Variants in RARB observed in about 807,000 individuals in gnomAD.
The protein encoded by RARB is retinoic acid receptor beta, also known as HBV-activated protein.
In RARB, 17 loss-of-function variants were observed where a neutral mutation model predicts 51.9. That is an observed-to-expected ratio of 0.33 (90% confidence interval 0.22 to 0.49). The LOEUF (loss-of-function observed/expected upper bound fraction) is 0.49, where lower values mean the gene tolerates loss of function less well. Ranked by LOEUF, RARB falls within the 20% of genes least tolerant of loss-of-function variation. RARB has a pLI of 0.99. For missense variants in RARB, 369 were observed against 550.8 expected, an observed-to-expected ratio of 0.67 and a Z score of 3.30; for synonymous variants, 215 against 195.4, an observed-to-expected ratio of 1.10 and a Z score of -0.84.
At chr3:25,014,463 A>G (rs545198964) in intron 2 of RARB, among the ~76,000 whole-genome samples, 1 of 152,158 alleles carries the variant, frequency 6.6e-6, no homozygotes, top group Admixed American at 6.6e-5. Flanking sequence ...CAGGGAGGAG[A>G]GATGGGTTTT....
intron 3 of RARB, among the ~76,000 whole-genome samples, chr3:25,562,661 A>G (rs892884469): frequency 2.0e-5 from 3 of 152,178 alleles, no homozygotes; most frequent in Non-Finnish European, 4.4e-5. Context: ...AACTTAGGAT[A>G]TTTCTTATAG....
At chr3:25,535,313 T>C (rs1401536843) in intron 3 of RARB, among the ~76,000 whole-genome samples, 1 of 152,068 alleles carries the variant, frequency 6.6e-6, no homozygotes, top group African/African-American at 2.4e-5. Context: ...TATTGTCTGG[T>C]GTTTAGGGAC....
intron 2 of RARB, among the ~76,000 whole-genome samples, chr3:24,875,986 T>C (rs1321096745): frequency 6.6e-6 from 1 of 152,136 alleles, no homozygotes; most frequent in African/African-American, 2.4e-5. Context: ...CTCTGCTAGT[T>C]ACTTTTTAGA....
intron 2 of RARB, among the ~76,000 whole-genome samples, chr3:24,955,756 G>A (rs2125408283): frequency 6.6e-6 from 1 of 152,230 alleles, no homozygotes; most frequent in Middle Eastern, 3.4e-3. Flanking sequence ...TCATCAGGGA[G>A]AATAAATGTA....
chr3:25,012,829 C>T (rs549293127), intron 2 of RARB, among the ~76,000 whole-genome samples: 27 of 152,072 alleles, frequency 1.8e-4, no homozygotes, highest in African/African-American at 5.3e-4. Flanking sequence ...ATAAACAATA[C>T]GGTAGGCACA....
intron 7 of RARB, among the ~76,000 whole-genome samples, chr3:25,595,412 C>T (rs912759464): frequency 1.3e-5 from 2 of 152,182 alleles, no homozygotes; most frequent in African/African-American, 4.8e-5. Context: ...ACTTGTTTGA[C>T]AAGCAGTCTT....
chr3:24,835,413 T>G (rs1303589402), intron 1 of RARB, among the ~76,000 whole-genome samples: 1 of 152,180 alleles, frequency 6.6e-6, no homozygotes, highest in East Asian at 1.9e-4. Context: ...TTTGGAAGAT[T>G]CATGTCCATC....
intron 3 of RARB, among the ~76,000 whole-genome samples, chr3:25,539,544 T>G (rs1252585666): frequency 6.7e-6 from 1 of 148,686 alleles, no homozygotes; most frequent in South Asian, 2.1e-4. Context: ...TTTTTTTTTT[T>G]TTTTCTTTTT....
rs144849294 is a variant in RARB at position 25,394,677 on chromosome 3, T to G, written c.179-66516T>G. Among the ~76,000 whole-genome samples the G allele has an allele frequency of 2.2e-3, 337 of 152,304 alleles. 3 individuals are homozygous for G. Among genetic ancestry groups the G allele is most frequent in the African/African-American group, 7.8e-3 (324 of 41,580 alleles). On this transcript the variant is annotated intron_variant, in intron 5 of 11. Coordinates refer to the RARB transcript ENST00000383772. ...TGCCTCTCTTTGTGTTTTTTAACTCTTGTTGCTTTGAAGTCTCTTTTGTCT... is the reference window on the plus strand; with the variant it reads ...TGCCTCTCTTTGTGTTTTTTAACTCGTGTTGCTTTGAAGTCTCTTTTGTCT...
intron 5 of RARB, among the ~76,000 whole-genome samples, chr3:25,390,859 T>C (rs904620114): frequency 1.3e-5 from 2 of 152,182 alleles, no homozygotes; most frequent in Non-Finnish European, 2.9e-5. Flanking sequence ...AGTTTGACTT[T>C]TCCTGGTACT....
chr3:24,958,255 G>GTTTTTTTTTTTTTTTTT (rs71057692), intron 2 of RARB, among the ~76,000 whole-genome samples: 4 of 69,444 alleles, frequency 5.8e-5, no homozygotes, highest in East Asian at 5.2e-4. Context: ...AGCTGCTCAG[G>GTTTTTTTTTTTTTTTTT]TTTTTTTTTT....
intron 5 of RARB, among the ~76,000 whole-genome samples, chr3:25,361,450 G>A (rs138496078): frequency 0.011 from 1,609 of 152,296 alleles, 10 homozygotes; most frequent in Middle Eastern, 0.034. Context: ...GGAGGAGTTT[G>A]TTATTACCCA....
chr3:24,985,191 A>G (rs188291648), intron 2 of RARB, among the ~76,000 whole-genome samples: 15 of 152,296 alleles, frequency 9.8e-5, no homozygotes, highest in Admixed American at 7.8e-4. Context: ...TCGTTCACAT[A>G]CTAACTTGTT....
Position 24,985,364 on chromosome 3 carries a change from T to G in RARB, c.-379-74761T>G, listed in dbSNP as rs1696766248. Among the ~76,000 whole-genome samples the G allele has an allele frequency of 2.1e-5, 3 of 146,156 alleles. 1 individual carries two copies. The South Asian group carries it at 6.4e-4, about 31-fold the overall frequency. On this transcript the variant is annotated intron_variant, in intron 2 of 11. Coordinates refer to the RARB transcript ENST00000383772. ...TGGTTTTTTTGTTTTTTTTTTTTTT[T>G]GACAAGAACATTTCCCAGCTGAACA...
At position 25,241,481 on chromosome 3, in the gene RARB, G is replaced by A. The variant is rs114056655; in HGVS notation, c.178+66906G>A. 5.3e-3 allele frequency among the ~76,000 whole-genome samples: 801 copies of A among 151,978 alleles called. 12 individuals are homozygous for A. Among genetic ancestry groups the A allele is most frequent in the African/African-American group, 0.018 (751 of 41,450 alleles). Reference sequence around the variant, plus strand: ...CCTCCCCTTCCCTGCCACAACCCCCGGACAGGCCCGGGTGTGATGTTCCCC... The same window carrying A: ...CCTCCCCTTCCCTGCCACAACCCCCAGACAGGCCCGGGTGTGATGTTCCCC... On this transcript the variant is annotated intron_variant, in intron 5 of 11. Coordinates refer to the RARB transcript ENST00000383772.
intron 5 of RARB, among the ~76,000 whole-genome samples, chr3:25,409,287 T>A (rs1419536062): frequency 1.3e-5 from 2 of 152,194 alleles, no homozygotes; most frequent in Non-Finnish European, 2.9e-5. Flanking sequence ...ACCATACAAC[T>A]GACTTTTCTT....
At chr3:25,094,716 C>CAAAAA (rs57477720) in intron 3 of RARB, among the ~76,000 whole-genome samples, 489 of 43,028 alleles carry the variant, frequency 0.011, 44 homozygotes, top group African/African-American at 0.037. Flanking sequence ...GACCCCATCT[C>CAAAAA]AAAAAAAAAA....
At chr3:25,005,741 G>A (rs1184054842) in intron 2 of RARB, among the ~76,000 whole-genome samples, 2 of 152,188 alleles carry the variant, frequency 1.3e-5, no homozygotes, top group African/African-American at 4.8e-5. Context: ...AGCTATCTTC[G>A]AGGCTGGCTA....
chr3:25,481,441 C>T (rs1046826217), intron 2 of RARB, among the ~76,000 whole-genome samples: 1 of 152,060 alleles, frequency 6.6e-6, no homozygotes, highest in Non-Finnish European at 1.5e-5. Flanking sequence ...AAACACTGGC[C>T]AAATATTTTT....
Sources: gnomAD v4.1 joint callset for allele counts (sites outside exome capture counted in the v4.1 genomes callset) on GRCh38, gnomAD v4.1.1 for gene constraint, MANE v1.5 for transcripts, NCBI Gene and HGNC (gene_info 2026-07-23, HGNC 2026-07-21) for gene names.